Variants in ELAVL2 observed in about 807,000 individuals in gnomAD.
ELAVL2 encodes the protein ELAV like RNA binding protein 2.
ELAVL2 carries 4 observed loss-of-function variants against 34.6 expected under a neutral mutation model. That is an observed-to-expected ratio of 0.12 (90% CI 0.06 to 0.26). The LOEUF (loss-of-function observed/expected upper bound fraction) is 0.26. Among genes scored for constraint, ELAVL2 ranks in the 10% least tolerant of loss-of-function variants. The pLI is 1.00. For synonymous variants in ELAVL2, 193 were observed against 154.8 expected (o/e 1.25, Z -1.83); for missense variants, 432 against 442.8 (o/e 0.98, Z 0.22).
chr9:23,807,477 C>CT (rs747739113), intron 1 of ELAVL2, among the ~76,000 whole-genome samples: 27 of 152,016 alleles, frequency 1.8e-4, no homozygotes, highest in Non-Finnish European at 2.2e-4. Flanking sequence ...TTTCGACACT[C>CT]TTAAACAACA....
intron 1 of ELAVL2, among the ~76,000 whole-genome samples, chr9:23,790,067 G>GAAA (rs750872564): frequency 8.5e-4 from 127 of 149,408 alleles, no homozygotes; most frequent in African/African-American, 2.9e-3. Context: ...GTAAAAAAGG[G>GAAA]GAAAAAAAAA....
At chr9:23,757,270 C>T (rs1003405543) in intron 2 of ELAVL2, among the ~76,000 whole-genome samples, 9 of 152,150 alleles carry the variant, frequency 5.9e-5, no homozygotes, top group Non-Finnish European at 1.2e-4. Flanking sequence ...GTAAAAATCA[C>T]ACATCTCTCT....
intron 1 of ELAVL2, among the ~76,000 whole-genome samples, chr9:23,778,384 CA>C (rs1385692148): frequency 3.9e-5 from 6 of 152,130 alleles, no homozygotes; most frequent in African/African-American, 1.2e-4. Flanking sequence ...AAAACACAAA[CA>C]AAAACAGTAG....
At chr9:23,803,732 G>T (rs966280323) in intron 1 of ELAVL2, among the ~76,000 whole-genome samples, 8 of 152,134 alleles carry the variant, frequency 5.3e-5, no homozygotes, top group African/African-American at 1.9e-4. Flanking sequence ...CTCTTCTCCT[G>T]GGGGGTTGCG....
At chr9:23,814,169 C>T (rs979706436) in intron 1 of ELAVL2, among the ~76,000 whole-genome samples, 4 of 152,134 alleles carry the variant, frequency 2.6e-5, no homozygotes, top group Non-Finnish European at 4.4e-5. Context: ...CACGGATCAC[C>T]CTTCAGGACC....
intron 5 of ELAVL2, among the ~76,000 whole-genome samples, chr9:23,695,984 A>C (rs2035041404): frequency 6.6e-6 from 1 of 152,166 alleles, no homozygotes; most frequent in Non-Finnish European, 1.5e-5. Context: ...AGGATCTCCG[A>C]GGACCCTCCA....
At chr9:23,839,809 T>C in the ELAVL2 span, among the ~76,000 whole-genome samples, 5 of 152,156 alleles carry the variant, frequency 3.3e-5, no homozygotes, top group African/African-American at 1.2e-4. Context: ...ACATTTTACC[T>C]ATAATTTTAA....
At chr9:23,701,338 T>C in intron 5 of ELAVL2, 41 bp downstream of exon 5, 3 of 1,600,320 alleles carry the variant, frequency 1.9e-6, no homozygotes, top group Non-Finnish European at 2.6e-6. Context: ...AGTATTCTCT[T>C]TCAGTTTAGT....
chr9:23,754,863 TC>T (rs1173474426), intron 2 of ELAVL2, among the ~76,000 whole-genome samples: 2 of 152,100 alleles, frequency 1.3e-5, no homozygotes, highest in East Asian at 3.9e-4. Flanking sequence ...AGTATAAATT[TC>T]CCATGGGAAG....
upstream of ELAVL2, among the ~76,000 whole-genome samples, chr9:23,827,571 T>C (rs2065363519): frequency 1.3e-5 from 2 of 152,190 alleles, no homozygotes; most frequent in South Asian, 2.1e-4. Flanking sequence ...ATTACACATG[T>C]AATGTGTCTT....
intron 3 of ELAVL2, among the ~76,000 whole-genome samples, chr9:23,707,780 A>G (rs2039790500): frequency 6.6e-6 from 1 of 152,238 alleles, no homozygotes; most frequent in Non-Finnish European, 1.5e-5. Context: ...TTCAGAGCCT[A>G]ATCTATGTGA....
In ELAVL2 at chr9:23,744,122, A is replaced by T. The variant is rs549628583; in HGVS notation, c.230-12997T>A. Among the ~76,000 whole-genome samples the T allele has an allele frequency of 6.5e-3, 990 of 152,294 alleles. 13 individuals are homozygous for T. The highest frequency in any genetic ancestry group is 0.027 in the South Asian group (130 of 4,822). ...CCAGCTAACTAGCCTTATGAATTTG[A>T]GATTGGGATCTCATCTGTGGGAAAA... On this transcript the variant is annotated intron_variant, in intron 2 of 6. Coordinates refer to ENST00000397312, the MANE Select transcript of ELAVL2 (RefSeq NM_004432.5).
upstream of ELAVL2, among the ~76,000 whole-genome samples, chr9:23,829,125 T>C (rs2065420731): frequency 6.6e-6 from 1 of 152,212 alleles, no homozygotes; most frequent in Admixed American, 6.5e-5. Context: ...AACTCTGACA[T>C]ATCTTCCAAG....
intron 1 of ELAVL2, among the ~76,000 whole-genome samples, chr9:23,811,490 G>A (rs148650670): frequency 1.9e-4 from 29 of 152,318 alleles, no homozygotes; most frequent in Middle Eastern, 6.8e-3. Context: ...TGAAGATGAC[G>A]CAAGGAGAAG....
At chr9:23,714,232 A>C (rs567527742) in intron 3 of ELAVL2, among the ~76,000 whole-genome samples, 55 of 152,316 alleles carry the variant, frequency 3.6e-4, no homozygotes, top group African/African-American at 1.3e-3. Context: ...TATGGAACAA[A>C]AACTCAAGGA....
intron 4 of ELAVL2, among the ~76,000 whole-genome samples, chr9:23,702,406 G>A (rs1172273824): frequency 6.6e-6 from 1 of 152,076 alleles, no homozygotes; most frequent in African/African-American, 2.4e-5. Flanking sequence ...AATGGGAAAG[G>A]ATAGCCAAGA....
At chr9:23,696,266 T>C (rs2035164821) in intron 5 of ELAVL2, among the ~76,000 whole-genome samples, 1 of 152,034 alleles carries the variant, frequency 6.6e-6, no homozygotes, top group South Asian at 2.1e-4. Flanking sequence ...GTGCCATAGA[T>C]TCATGTTTCC....
chr9:23,728,346 T>G (rs536798089), intron 3 of ELAVL2, among the ~76,000 whole-genome samples: 1 of 152,174 alleles, frequency 6.6e-6, no homozygotes, highest in South Asian at 2.1e-4. Context: ...ACAGTTAAAC[T>G]AAAAATGAGT....
chr9:23,758,079 T>G (rs1194033099), intron 2 of ELAVL2, among the ~76,000 whole-genome samples: 2 of 151,982 alleles, frequency 1.3e-5, no homozygotes, highest in Non-Finnish European at 2.9e-5. Context: ...TCCTACAAAA[T>G]CGGAATACAG....
Sources: allele counts gnomAD v4.1 joint callset (sites outside exome capture counted in the v4.1 genomes callset), GRCh38; gene constraint gnomAD v4.1.1; transcripts MANE v1.5; gene names NCBI Gene and HGNC (gene_info 2026-07-23, HGNC 2026-07-21).